Variants in AIFM2 observed in about 807,000 individuals in gnomAD.
AIFM2 encodes ferroptosis suppressor protein 1.
A neutral mutation model predicts 35.7 loss-of-function variants in AIFM2; 38 were observed. That is an observed-to-expected ratio of 1.06 (90% CI 0.82 to 1.39). AIFM2 has a LOEUF of 1.39. Ranked by LOEUF, AIFM2 falls within the 40% of genes most tolerant of loss-of-function variation. AIFM2 has a pLI of 0.00. For missense variants in AIFM2, 476 were observed against 491.2 expected (o/e 0.97, Z 0.29); for synonymous variants, 185 against 203.5 (o/e 0.91, Z 0.77).
rs775875825 is a variant in AIFM2, at chr10:70,117,848, C to T, written c.580G>A (p.Glu194Lys). The T allele has an allele frequency of 2.5e-6, 4 of 1,604,258 alleles. No individual in the cohort carries two copies. The highest frequency in any genetic ancestry group is 3.4e-6 in the Non-Finnish European group (4 of 1,176,492). The change falls in exon 6 of 9, where the codon GAG (glutamate) becomes AAG (lysine). Residue 194 changes from glutamate (E) to lysine (K), a missense_variant. Physicochemically the swap from Glu to Lys is moderately conservative, Grantham distance 56. Coordinates refer to ENST00000307864, the MANE Select transcript of AIFM2 (RefSeq NM_032797.6). This position sits in a 1 kb window ranked among gnomAD's most constrained non-coding sequence, Gnocchi z 4.7. ...TGCACGCCCTTCCGGAGGAGGATCT[C>T]CTTCACTTCCTGCCGGACGGAGGGC... ...LLPSVRQEVK[E>K]ILLRKGVQLL...
In AIFM2 at chr10:70,131,678, T is replaced by C. The variant is rs2072628376; in HGVS notation, c.-14+1056A>G. 1.3e-5 allele frequency among the ~76,000 whole-genome samples: 2 copies of C among 152,298 alleles called. No individual in the cohort carries two copies. Among genetic ancestry groups the C allele is most frequent in the African/African-American group, 4.8e-5 (2 of 41,572 alleles). On this transcript the variant is annotated intron_variant, in intron 1 of 8. Transcript: ENST00000307864. This position sits in a 1 kb window ranked among gnomAD's most constrained non-coding sequence, Gnocchi z 4.1. ...TTTGGCCACCAGACAAAAGTCAGGCTGGCCCTGGAGTCCACCGGCCTGCCC... is the reference window on the plus strand; with the variant it reads ...TTTGGCCACCAGACAAAAGTCAGGCCGGCCCTGGAGTCCACCGGCCTGCCC...
At chr10:70,118,432 A>G (rs2072462451) in intron 5 of AIFM2, 1 of 153,540 alleles carries the variant, frequency 6.5e-6, no homozygotes, top group Non-Finnish European at 1.4e-5. Context: ...CCCATCTCTG[A>G]TACTCACTTG....
In AIFM2 at chr10:70,116,629, T is replaced by C; in HGVS notation, c.762A>G (p.Lys254=). 6.2e-7 allele frequency: 1 copy of C among 1,613,634 alleles called. No individual in the cohort carries two copies. Among genetic ancestry groups the C allele is most frequent in the Non-Finnish European group, 8.5e-7 (1 of 1,179,946 alleles). ...GGCTGGGCACCTGCTCACCAAACGC[T>C]TTGCGGTAGGCGGAGCTGTTGATCT... The part of the protein sequence containing the change: ...GIKINSSAYR[K]AFESRLASSG... The change falls in exon 7 of 9, where the codon AAA becomes AAG. Residue 254 remains lysine (K), a synonymous_variant. Transcript: ENST00000307864.
Position 70,131,294 on chromosome 10 carries a change from A to G in AIFM2, c.-14+1440T>C, listed in dbSNP as rs1564555845. 6.6e-6 allele frequency among the ~76,000 whole-genome samples: 1 copy of G among 152,298 alleles called. No homozygotes were observed. The highest frequency in any genetic ancestry group is 1.9e-4 in the East Asian group (1 of 5,186). ...CATTCCCAGAGTGGCCGTCCCGGAT[A>G]AGAAGGCCACTACAGCACGACTCAC... is the stretch of plus-strand genomic sequence containing the variant. On this transcript the variant is annotated intron_variant, in intron 1 of 8. Transcript: ENST00000307864. This position sits in a 1 kb window ranked among gnomAD's most constrained non-coding sequence, Gnocchi z 4.1.
chr10:70,132,144 C>T (rs77245622), intron 1 of AIFM2, among the ~76,000 whole-genome samples: 4,756 of 152,238 alleles, frequency 0.031, 128 homozygotes, highest in African/African-American at 0.072. Flanking sequence ...GTGGACTGCA[C>T]GCGTCCCATC....
intron 5 of AIFM2, 30 bp downstream of exon 5, chr10:70,120,477 A>C: frequency 1.2e-6 from 2 of 1,610,936 alleles, no homozygotes; most frequent in East Asian, 2.2e-5. Context: ...CCAACCACTT[A>C]GAGCTCCAAG....
Position 70,117,853 on chromosome 10 carries a change from A to G in AIFM2, c.575T>C (p.Val192Ala), listed in dbSNP as rs2072455174. The G allele has an allele frequency of 6.2e-7, 1 of 1,604,984 alleles. No individual in the cohort carries two copies. The highest frequency in any genetic ancestry group is 1.3e-5 in the African/African-American group (1 of 74,246). Residue 192 changes from valine (V) to alanine (A), a missense_variant, in exon 6 of 9, where the codon GTG becomes GCG. Val to Ala is a moderately conservative substitution (Grantham distance 64). Coordinates refer to ENST00000307864, the MANE Select transcript of AIFM2 (RefSeq NM_032797.6). This position sits in a 1 kb window ranked among gnomAD's most constrained non-coding sequence, Gnocchi z 4.7. Reference sequence around the variant, plus strand: ...GCCCTTCCGGAGGAGGATCTCCTTCACTTCCTGCCGGACGGAGGGCAGGAG... The same window carrying G: ...GCCCTTCCGGAGGAGGATCTCCTTCGCTTCCTGCCGGACGGAGGGCAGGAG... The part of the protein sequence containing the change: ...KELLPSVRQE[V>A]KEILLRKGVQ...
At chr10:70,114,440 A>G in intron 8 of AIFM2, 111 bp from the exon 9 acceptor site, 6 of 1,402,274 alleles carry the variant, frequency 4.3e-6, no homozygotes, top group Non-Finnish European at 5.8e-6. Flanking sequence ...GGAAATGTGA[A>G]ATCGCTTTAG....
intron 3 of AIFM2, 90 bp from the exon 4 acceptor site, chr10:70,121,301 C>G (rs1000789850): frequency 1.4e-4 from 192 of 1,412,848 alleles, no homozygotes; most frequent in Non-Finnish European, 1.6e-4. Context: ...GCATCCTACT[C>G]CCGGCCTGCC....
At chr10:70,124,121 A>G (rs1302381687) in intron 1 of AIFM2, 24 bp from the exon 2 acceptor site, 2 of 1,416,888 alleles carry the variant, frequency 1.4e-6, no homozygotes, top group South Asian at 1.6e-5. Flanking sequence ...AGAGGAGAGC[A>G]TATCAGAGTC....
At chr10:70,128,599 G>A (rs2072593913) in intron 1 of AIFM2, among the ~76,000 whole-genome samples, 1 of 152,252 alleles carries the variant, frequency 6.6e-6, no homozygotes. Flanking sequence ...CTGACCTCAA[G>A]TGATCGGCCT....
In AIFM2 at chr10:70,114,232, G is replaced by C; in HGVS notation, c.1068C>G (p.Ser356Arg). Residue 356 changes from serine to arginine, a missense_variant, in exon 9 of 9, where the codon AGC becomes AGG. Ser to Arg is a moderately radical substitution (Grantham distance 110). Coordinates refer to ENST00000307864, the MANE Select transcript of AIFM2 (RefSeq NM_032797.6). ...AGCTCGTAGAGACGAACAGGTCCCG[G>C]CTCTTGGTCAGCCGAACCATGAGCC... ...VGRLMVRLTK[S>R]RDLFVSTSWK... 1 of 1,613,862 alleles carries C rather than the reference G, an allele frequency of 6.2e-7. No homozygotes were observed.
Position 70,131,285 on chromosome 10 carries a change from G to A in AIFM2, c.-14+1449C>T, listed in dbSNP as rs933136254. Reference sequence around the variant, plus strand: ...GGAGAGCCACATTCCCAGAGTGGCCGTCCCGGATAAGAAGGCCACTACAGC... The same window carrying A: ...GGAGAGCCACATTCCCAGAGTGGCCATCCCGGATAAGAAGGCCACTACAGC... On this transcript the variant is annotated intron_variant, in intron 1 of 8. Transcript: ENST00000307864. The surrounding 1 kb of genome is among the most constrained non-coding windows in gnomAD (Gnocchi z 4.1). Among the ~76,000 whole-genome samples, 5 of 152,152 alleles carry A rather than the reference G, an allele frequency of 3.3e-5. No homozygotes were observed. Among genetic ancestry groups the A allele is most frequent in the South Asian group, 2.1e-4 (1 of 4,828 alleles).
rs947744213 is a variant in AIFM2, at chr10:70,118,140, C to G, written c.508-220G>C. 8.1e-6 allele frequency: 4 copies of G among 493,624 alleles called. No individual in the cohort carries two copies. In the African/African-American group the frequency reaches 8.2e-5, roughly 10 times the overall value. 30.6% of individuals were successfully genotyped at this position (493,624 alleles called of 1,614,324 possible). On this transcript the variant is annotated intron_variant, in intron 5 of 8. Transcript: ENST00000307864. ...TCTTTCAGTACCCTCCTGCCACACC[C>G]AGGCCAGAGGACTACCAATATGCCA... is the stretch of plus-strand genomic sequence containing the variant.
chr10:70,113,271 T>C lies in AIFM2; in HGVS notation c.*907A>G. ...TGGCCGCAGTGGCTCACGCCTGGAA[T>C]CCCAGCACTTCGAGAGGCCAAGACG... On this transcript the variant is annotated 3_prime_UTR_variant, in exon 9 of 9. Transcript: ENST00000307864. 6.6e-6 allele frequency: 1 copy of C among 152,352 alleles called. No homozygotes were observed. The highest frequency in any genetic ancestry group is 1.5e-5 in the Non-Finnish European group (1 of 68,064). The allele number at this position is 152,352 out of a possible 1,614,324, so 9.4% of individuals were successfully genotyped here. A position where few individuals can be genotyped will look rare whatever the true frequency, so the allele number is the denominator to read the frequency against.
chr10:70,122,111 T>A (rs555272710), intron 3 of AIFM2, among the ~76,000 whole-genome samples: 24 of 152,036 alleles, frequency 1.6e-4, no homozygotes, highest in South Asian at 1.0e-3. Context: ...TTAAAAAAAT[T>A]TTTTTTTAAT....
At position 70,123,900 on chromosome 10, in the gene AIFM2, A is replaced by T. The variant is rs758119537; in HGVS notation, c.178+7T>A. 148 of 1,561,628 alleles carry T rather than the reference A, an allele frequency of 9.5e-5. 1 individual carries two copies. The East Asian group carries it at 3.3e-3, about 35-fold the overall frequency. The stretch of plus-strand genomic sequence containing the variant: ...CACAGAGACAGCCCCAGACGGGAGC[A>T]CATTACCTGTCTCCACGGAGGCTCG... On this transcript the variant is annotated splice_region_variant and intron_variant, in intron 2 of 8. Coordinates refer to ENST00000307864, the MANE Select transcript of AIFM2 (RefSeq NM_032797.6).
At chr10:70,121,621 GGAAA>G (rs1249229643) in intron 3 of AIFM2, among the ~76,000 whole-genome samples, 1 of 151,386 alleles carries the variant, frequency 6.6e-6, no homozygotes, top group Non-Finnish European at 1.5e-5. Context: ...GAAAAGAAAG[GGAAA>G]GAAAGAAAGA....
At chr10:70,114,763 C>A in intron 8 of AIFM2, 157 bp downstream of exon 8, 1 of 961,080 alleles carries the variant, frequency 1.0e-6, no homozygotes, top group Non-Finnish European at 1.5e-6. Flanking sequence ...TGTGAGCCAC[C>A]GCGCCCAGCC....
Sources: allele counts gnomAD v4.1 joint callset (sites outside exome capture counted in the v4.1 genomes callset), GRCh38; gene constraint gnomAD v4.1.1; non-coding constraint Gnocchi (gnomAD v3.1); transcripts MANE v1.5; gene names NCBI Gene and HGNC (gene_info 2026-07-23, HGNC 2026-07-21).